The following TPMT variants were observed in gnomAD, a reference collection of about 807,000 sequenced individuals.
TPMT encodes S-adenosyl-L-methionine:thiopurine S-methyltransferase.
A neutral mutation model predicts 34.2 loss-of-function variants in TPMT; 18 were observed. That is an observed-to-expected ratio of 0.53 (90% CI 0.36 to 0.78). TPMT has a LOEUF of 0.78. TPMT is among the 30% of genes least tolerant of loss of function. The pLI is 0.00. For missense variants in TPMT, 265 were observed against 288.1 expected, an observed-to-expected ratio of 0.92 and a Z score of 0.58; for synonymous variants, 69 against 92.4, an observed-to-expected ratio of 0.75 and a Z score of 1.45.
rs767212983 is a variant in TPMT at position 18,132,156 on chromosome 6, T to C, written c.602A>G (p.His201Arg). The change falls in exon 8 of 9, where the codon CAT becomes CGT. Residue 201 changes from histidine (H) to arginine (R), a missense_variant. Transcript: ENST00000309983. The surrounding 1 kb of genome is among the most constrained non-coding windows in gnomAD (Gnocchi z 4.8). ...KHPGPPFYVP[H>R]AEIERLFGKI... ...ACCAAACAACCTTTCAATTTCAGCA[T>C]GTGGAACATAAAATGGTGGACCTAG... 8.1e-6 allele frequency: 13 copies of C among 1,614,086 alleles called. No homozygotes were observed. Among genetic ancestry groups the C allele is most frequent in the African/African-American group, 1.3e-5 (1 of 74,958 alleles).
rs1323952524 is a variant in TPMT at position 18,154,048 on chromosome 6, C to G, written c.-45+985G>C. Among the ~76,000 whole-genome samples the G allele has an allele frequency of 6.6e-6, 1 of 152,112 alleles. No homozygotes were observed. Among genetic ancestry groups the G allele is most frequent in the African/African-American group, 2.4e-5 (1 of 41,410 alleles). ...TCCTCTCACTTCAACCTCCTGAGTA[C>G]CTGGGACTATAAGGGTGCACCACCA... On this transcript the variant is annotated intron_variant, in intron 1 of 8. Coordinates refer to ENST00000309983, the MANE Select transcript of TPMT (RefSeq NM_000367.5). The surrounding 1 kb of genome is among the most constrained non-coding windows in gnomAD (Gnocchi z 4.2).
At chr6:18,147,645 C>G (rs1784272753) in intron 3 of TPMT, among the ~76,000 whole-genome samples, 178 bp downstream of exon 3, 1 of 152,166 alleles carries the variant, frequency 6.6e-6, no homozygotes, top group African/African-American at 2.4e-5. Flanking sequence ...ATACCTGTTT[C>G]TGTTGTTTCT....
chr6:18,139,704 T>C lies in TPMT; in HGVS notation c.380A>G (p.Asn127Ser), dbSNP rs1340845395. 3 of 1,612,548 alleles carry C rather than the reference T, an allele frequency of 1.9e-6. No individual in the cohort carries two copies. The African/African-American group carries it at 4.0e-5, about 22-fold the overall frequency. ...AATACTGCAACAGTACAATGAAATG[T>C]TCCCCGAAGAACTCTGTAATGAAAT... ...GTKVFKSSSG[N>S]ISLYCCSIFD... The change falls in exon 5 of 9, where the codon AAC becomes AGC. Residue 127 changes from asparagine to serine, a missense_variant. Asn to Ser is a conservative substitution (Grantham distance 46, BLOSUM62 1). Coordinates refer to ENST00000309983, the MANE Select transcript of TPMT (RefSeq NM_000367.5). This position sits in a 1 kb window ranked among gnomAD's most constrained non-coding sequence, Gnocchi z 4.2.
rs1227165207 is a variant in TPMT at position 18,136,681 on chromosome 6, A to G, written c.494+2282T>C. Among the ~76,000 whole-genome samples the G allele has an allele frequency of 6.6e-6, 1 of 152,150 alleles. No homozygotes were observed. The highest frequency in any genetic ancestry group is 2.4e-5 in the African/African-American group (1 of 41,434). On this transcript the variant is annotated intron_variant, in intron 6 of 8. Transcript: ENST00000309983. This position sits in a 1 kb window ranked among gnomAD's most constrained non-coding sequence, Gnocchi z 4.7. ...AAAAATTAGCCGGGTGTGGTGGAGC[A>G]TGCCTATAATCCCAGCTACCTGGGA...
At chr6:18,142,000 A>G (rs1784150603) in intron 4 of TPMT, among the ~76,000 whole-genome samples, 1 of 152,146 alleles carries the variant, frequency 6.6e-6, no homozygotes. Context: ...TTTGCATAAT[A>G]AGATTAGGGT....
In TPMT at chr6:18,132,110, A is replaced by G. The variant is rs751385005; in HGVS notation, c.625+23T>C. On this transcript the variant is annotated intron_variant, in intron 8 of 8. Coordinates refer to ENST00000309983, the MANE Select transcript of TPMT (RefSeq NM_000367.5). This position sits in a 1 kb window ranked among gnomAD's most constrained non-coding sequence, Gnocchi z 4.8. ...TTAACTTGACTTTGTTTAAAAAGTT[A>G]CAGCATAAGTCCACAAACTTACCAA... 17 of 1,613,624 alleles carry G rather than the reference A, an allele frequency of 1.1e-5. No individual in the cohort carries two copies. Among genetic ancestry groups the G allele is most frequent in the Non-Finnish European group, 1.4e-5 (16 of 1,179,564 alleles).
intron 6 of TPMT, 51 bp from the exon 7 acceptor site, chr6:18,133,940 G>A (rs1227345568): frequency 5.4e-6 from 8 of 1,490,628 alleles, no homozygotes; most frequent in Non-Finnish European, 7.5e-6. Context: ...ACAGGCAAAG[G>A]CTGGAGGGAC....
chr6:18,144,462 T>G (rs555426119), intron 3 of TPMT, among the ~76,000 whole-genome samples: 1 of 152,212 alleles, frequency 6.6e-6, no homozygotes, highest in Non-Finnish European at 1.5e-5. Context: ...CACTGCAATC[T>G]CCACCTCCTG....
In TPMT at chr6:18,148,929, C is replaced by A; in HGVS notation, c.140+59G>T. 6 of 1,609,628 alleles carry A rather than the reference C, an allele frequency of 3.7e-6. No individual in the cohort carries two copies. The highest frequency in any genetic ancestry group is 5.1e-6 in the Non-Finnish European group (6 of 1,177,990). ...CAAATAATGTGTACTTTTATTATTTCTATCTCAAAGTCACTTTTTGATAGA... is the reference window on the plus strand; with the variant it reads ...CAAATAATGTGTACTTTTATTATTTATATCTCAAAGTCACTTTTTGATAGA... On this transcript the variant is annotated intron_variant, in intron 2 of 8. Coordinates refer to ENST00000309983, the MANE Select transcript of TPMT (RefSeq NM_000367.5). This position sits in a 1 kb window ranked among gnomAD's most constrained non-coding sequence, Gnocchi z 4.1.
At position 18,153,083 on chromosome 6, in the gene TPMT, G is replaced by A. The variant is rs1784384737; in HGVS notation, c.-45+1950C>T. Among the ~76,000 whole-genome samples the A allele has an allele frequency of 6.6e-6, 1 of 152,148 alleles. No individual in the cohort carries two copies. Among genetic ancestry groups the A allele is most frequent in the Non-Finnish European group, 1.5e-5 (1 of 68,030 alleles). On this transcript the variant is annotated intron_variant, in intron 1 of 8. Coordinates refer to ENST00000309983, the MANE Select transcript of TPMT (RefSeq NM_000367.5). This position sits in a 1 kb window ranked among gnomAD's most constrained non-coding sequence, Gnocchi z 4.2. Reference sequence around the variant, plus strand: ...CTTTCCTCCTTTCATAAATATTCATGAGTCATCCTACAGCTTACTGAATAT... The same window carrying A: ...CTTTCCTCCTTTCATAAATATTCATAAGTCATCCTACAGCTTACTGAATAT...
chr6:18,139,549 T>C lies in TPMT; in HGVS notation c.419+116A>G, dbSNP rs1412069866. Reference sequence around the variant, plus strand: ...TCTGCAGAACAGACATTCAAAAAAATGCTTTGTGGATGTTACACAGGAGGA... The same window carrying C: ...TCTGCAGAACAGACATTCAAAAAAACGCTTTGTGGATGTTACACAGGAGGA... On this transcript the variant is annotated intron_variant, in intron 5 of 8. Transcript: ENST00000309983. The surrounding 1 kb of genome is among the most constrained non-coding windows in gnomAD (Gnocchi z 4.2). The C allele has an allele frequency of 1.2e-6, 1 of 832,832 alleles. No individual in the cohort carries two copies. The highest frequency in any genetic ancestry group is 2.0e-6 in the Non-Finnish European group (1 of 490,430). The allele number at this position is 832,832 out of a possible 1,614,324, so 51.6% of individuals were successfully genotyped here.
rs1414828683 is a variant in TPMT at position 18,135,975 on chromosome 6, C to T, written c.495-2086G>A. On this transcript the variant is annotated intron_variant, in intron 6 of 8. Transcript: ENST00000309983. The surrounding 1 kb of genome is among the most constrained non-coding windows in gnomAD (Gnocchi z 5.0). ...ATTTATTTAAACAACATTTATTAAG[C>T]TCTTACTAGGTGCTAAATATATATT... 6.6e-6 allele frequency among the ~76,000 whole-genome samples: 1 copy of T among 152,076 alleles called. No homozygotes were observed. The highest frequency in any genetic ancestry group is 1.9e-4 in the East Asian group (1 of 5,182).
Position 18,154,155 on chromosome 6 carries a change from G to A in TPMT, c.-45+878C>T, listed in dbSNP as rs1271897770. 1.3e-5 allele frequency among the ~76,000 whole-genome samples: 2 copies of A among 152,082 alleles called. No individual in the cohort carries two copies. Among genetic ancestry groups the A allele is most frequent in the Admixed American group, 1.3e-4 (2 of 15,244 alleles). The stretch of plus-strand genomic sequence containing the variant: ...CTGGTCTCAAACTCCTGGGCTCAAC[G>A]TCTTAGCTGTTCTAACAGTTTCTCA... On this transcript the variant is annotated intron_variant, in intron 1 of 8. Coordinates refer to ENST00000309983, the MANE Select transcript of TPMT (RefSeq NM_000367.5). The surrounding 1 kb of genome is among the most constrained non-coding windows in gnomAD (Gnocchi z 4.2).
rs536170078 is a variant in TPMT, at chr6:18,154,659, G to C, written c.-45+374C>G. Among the ~76,000 whole-genome samples the C allele has an allele frequency of 6.6e-6, 1 of 152,148 alleles. No homozygotes were observed. Among genetic ancestry groups the C allele is most frequent in the African/African-American group, 2.4e-5 (1 of 41,432 alleles). ...GTGGTGCAGCGAGCCTGTAGTCCCA[G>C]TTACCGAGGAGGCTGGGGCGGGAAG... On this transcript the variant is annotated intron_variant, in intron 1 of 8. Transcript: ENST00000309983. This position sits in a 1 kb window ranked among gnomAD's most constrained non-coding sequence, Gnocchi z 4.2.
rs755583154 is a variant in TPMT at position 18,143,668 on chromosome 6, T to G, written c.294A>C (p.Glu98Asp). ...GVEISELGIQ[E>D]FFTEQNLSYS... ...AAGAAAGATTCTGCTCTGTAAAAAA[T>G]TCTTGTATCCCAAGTTCACTGATTT... Residue 98 changes from glutamate to aspartate, a missense_variant, in exon 4 of 9, where the codon GAA becomes GAC. Glu to Asp is a conservative substitution (Grantham distance 45). Transcript: ENST00000309983. The surrounding 1 kb of genome is among the most constrained non-coding windows in gnomAD (Gnocchi z 6.1). The G allele has an allele frequency of 6.2e-6, 10 of 1,614,074 alleles. No individual in the cohort carries two copies. Among genetic ancestry groups the G allele is most frequent in the Non-Finnish European group, 8.5e-6 (10 of 1,180,014 alleles).
intron 7 of TPMT, 69 bp downstream of exon 7, chr6:18,133,735 A>T: frequency 8.8e-7 from 1 of 1,139,000 alleles, no homozygotes; most frequent in African/African-American, 1.6e-5. Context: ...ATTCTTATCC[A>T]TGTCATAGAA....
intron 6 of TPMT, among the ~76,000 whole-genome samples, chr6:18,134,208 A>G (rs960531283): frequency 1.3e-5 from 2 of 152,106 alleles, no homozygotes; most frequent in African/African-American, 4.8e-5. Context: ...GGGCCTGCTG[A>G]CCTTGGATGC....
chr6:18,143,501 C>T lies in TPMT; in HGVS notation c.366+95G>A. The T allele has an allele frequency of 6.6e-7, 1 of 1,516,020 alleles. No homozygotes were observed. Among genetic ancestry groups the T allele is most frequent in the South Asian group, 1.1e-5 (1 of 88,058 alleles). 93.9% of individuals were successfully genotyped at this position (1,516,020 alleles called of 1,614,324 possible). ...AGTGAATCTGCGTGCTAAATAGGAA[C>T]CATCGGACACATGAATGGTATCCTC... On this transcript the variant is annotated intron_variant, in intron 4 of 8. Transcript: ENST00000309983. The surrounding 1 kb of genome is among the most constrained non-coding windows in gnomAD (Gnocchi z 6.1).
Position 18,149,274 on chromosome 6 carries a change from T to C in TPMT, c.-44-103A>G. The C allele has an allele frequency of 9.5e-7, 1 of 1,055,168 alleles. No individual in the cohort carries two copies. The highest frequency in any genetic ancestry group is 1.4e-6 in the Non-Finnish European group (1 of 722,888). The allele number at this position is 1,055,168 out of a possible 1,614,324, so 65.4% of individuals were successfully genotyped here. On this transcript the variant is annotated intron_variant, in intron 1 of 8. Transcript: ENST00000309983. This position sits in a 1 kb window ranked among gnomAD's most constrained non-coding sequence, Gnocchi z 5.0. ...TCTTAGCAGTATGACTTTTTAAAAA[T>C]ATTTCTTTCTTTTTTTATTTCTGGT...
Sources: gnomAD v4.1 joint callset for allele counts (sites outside exome capture counted in the v4.1 genomes callset) on GRCh38, gnomAD v4.1.1 for gene constraint, Gnocchi (gnomAD v3.1) non-coding constraint, MANE v1.5 for transcripts, NCBI Gene and HGNC (gene_info 2026-07-23, HGNC 2026-07-21) for gene names.